The following PDE4D variants were observed in gnomAD, a reference collection of about 807,000 sequenced individuals.
PDE4D encodes phosphodiesterase 4D.
A neutral mutation model predicts 87.4 loss-of-function variants in PDE4D; 24 were observed. The observed-to-expected ratio is 0.27, with a 90% CI of 0.20 to 0.39. The LOEUF is 0.39. Among genes scored for constraint, PDE4D ranks in the 10% least tolerant of loss-of-function variants. The pLI is 1.00. For missense variants in PDE4D, 714 were observed against 1,041.0 expected (o/e 0.69, Z 4.32); for synonymous variants, 384 against 383.2 (o/e 1.00, Z -0.02).
intron 1 of PDE4D, among the ~76,000 whole-genome samples, chr5:59,274,553 T>C (rs1040786598): frequency 6.6e-6 from 1 of 152,164 alleles, no homozygotes; most frequent in Non-Finnish European, 1.5e-5. Flanking sequence ...AGCTTAGTTA[T>C]TTATAATCAA....
chr5:59,600,541 C>A (rs1451300749), intron 1 of PDE4D, among the ~76,000 whole-genome samples: 1 of 152,060 alleles, frequency 6.6e-6, no homozygotes, highest in East Asian at 1.9e-4. Flanking sequence ...TTTGTTAAGC[C>A]ATTAAGTTGG....
intron 1 of PDE4D, among the ~76,000 whole-genome samples, chr5:60,418,096 C>A (rs1194064757): frequency 6.6e-6 from 1 of 151,876 alleles, no homozygotes; most frequent in East Asian, 1.9e-4. Flanking sequence ...AACATTGATT[C>A]GGAATGTTCA....
chr5:59,733,507 C>T (rs561856298), intron 1 of PDE4D, among the ~76,000 whole-genome samples: 1 of 152,016 alleles, frequency 6.6e-6, no homozygotes, highest in African/African-American at 2.4e-5. Flanking sequence ...GAGAAGGAAG[C>T]TTGGAAAGTG....
intron 1 of PDE4D, among the ~76,000 whole-genome samples, chr5:59,530,441 T>C (rs746441070): frequency 6.6e-6 from 1 of 152,126 alleles, no homozygotes; most frequent in Non-Finnish European, 1.5e-5. Context: ...TTATATAAAA[T>C]GACATAGTAT....
intron 1 of PDE4D, among the ~76,000 whole-genome samples, chr5:59,465,767 A>G (rs2153648789): frequency 6.6e-6 from 1 of 152,332 alleles, no homozygotes; most frequent in African/African-American, 2.4e-5. Flanking sequence ...GAGATAAAGA[A>G]AAAGACCATT....
At chr5:59,642,928 A>C (rs1286339123) in intron 1 of PDE4D, among the ~76,000 whole-genome samples, 1 of 152,202 alleles carries the variant, frequency 6.6e-6, no homozygotes, top group Non-Finnish European at 1.5e-5. Flanking sequence ...AAATTACTTA[A>C]ATAGTATAAA....
chr5:59,743,119 G>C (rs1395971655), intron 1 of PDE4D, among the ~76,000 whole-genome samples: 2 of 151,944 alleles, frequency 1.3e-5, no homozygotes, highest in African/African-American at 4.8e-5. Context: ...TATAAAGTGG[G>C]GTTTGGGAAG....
chr5:60,340,511 G>C (rs753984038), intron 1 of PDE4D, among the ~76,000 whole-genome samples: 3 of 148,888 alleles, frequency 2.0e-5, no homozygotes, highest in Non-Finnish European at 4.4e-5. Flanking sequence ...ACATCTCCAA[G>C]AAATCATAAT....
chr5:59,291,738 GTTTTTTTT>G (rs57769300), intron 1 of PDE4D, among the ~76,000 whole-genome samples: 1 of 125,576 alleles, frequency 8.0e-6, no homozygotes, highest in South Asian at 2.4e-4. Flanking sequence ...GTAAAAAGAA[GTTTTTTTT>G]TTTTTTTTTT....
intron 1 of PDE4D, among the ~76,000 whole-genome samples, chr5:59,534,235 A>G (rs560468179): frequency 2.2e-4 from 34 of 152,342 alleles, no homozygotes; most frequent in Admixed American, 9.2e-4. Flanking sequence ...AAAAAGCAAA[A>G]TCAAACAGAC....
chr5:60,034,422 C>T (rs1767565932), intron 2 of PDE4D, among the ~76,000 whole-genome samples: 1 of 152,174 alleles, frequency 6.6e-6, no homozygotes. Context: ...AGGCTTTCAG[C>T]ATTGCATGCC....
At chr5:59,337,319 A>G (rs1194796697) in intron 1 of PDE4D, among the ~76,000 whole-genome samples, 2 of 144,814 alleles carry the variant, frequency 1.4e-5, no homozygotes, top group Non-Finnish European at 3.0e-5. Flanking sequence ...AGGCATTCAT[A>G]AGTTCCCCCC....
At chr5:59,783,837 C>T (rs527857650) in intron 1 of PDE4D, among the ~76,000 whole-genome samples, 34 of 152,108 alleles carry the variant, frequency 2.2e-4, no homozygotes, top group Non-Finnish European at 4.3e-4. Context: ...GAGGCCAAGG[C>T]AGGTGAATTG....
chr5:60,229,333 C>T (rs1244259893), intron 1 of PDE4D, among the ~76,000 whole-genome samples: 1 of 152,160 alleles, frequency 6.6e-6, no homozygotes. Context: ...ACGACAACCA[C>T]AAGATCAAGT....
intron 3 of PDE4D, among the ~76,000 whole-genome samples, chr5:59,959,499 G>A (rs1759228668): frequency 6.6e-6 from 1 of 152,024 alleles, no homozygotes; most frequent in Non-Finnish European, 1.5e-5. Flanking sequence ...AATGATACTG[G>A]TACAAAAATA....
intron 3 of PDE4D, among the ~76,000 whole-genome samples, chr5:59,971,363 A>ATAAAT (rs1554125403): frequency 2.7e-5 from 4 of 145,880 alleles, no homozygotes; most frequent in Non-Finnish European, 4.5e-5. Flanking sequence ...ATAATAATAA[A>ATAAAT]AAATAAATAA....
intron 1 of PDE4D, among the ~76,000 whole-genome samples, chr5:59,383,755 T>C (rs552297186): frequency 1.3e-5 from 2 of 152,322 alleles, no homozygotes; most frequent in African/African-American, 4.8e-5. Context: ...ATAATCCATA[T>C]GTATATTTGT....
chr5:59,165,387 C>A (rs1781774148), intron 5 of PDE4D, among the ~76,000 whole-genome samples: 1 of 152,200 alleles, frequency 6.6e-6, no homozygotes, highest in East Asian at 1.9e-4. Flanking sequence ...GATTCTCCTA[C>A]CTCAGCCTCC....
chr5:59,487,993 T>TACACAGAG (rs1034784427), intron 1 of PDE4D, among the ~76,000 whole-genome samples: 3 of 152,084 alleles, frequency 2.0e-5, no homozygotes, highest in African/African-American at 4.8e-5. Context: ...ACACAGTGTG[T>TACACAGAG]ACACAGAGAC....
Sources: gnomAD v4.1 joint callset for allele counts (sites outside exome capture counted in the v4.1 genomes callset) on GRCh38, gnomAD v4.1.1 for gene constraint, MANE v1.5 for transcripts, NCBI Gene and HGNC (gene_info 2026-07-23, HGNC 2026-07-21) for gene names.